DYNLT5: variants seen among roughly 807,000 people sequenced by gnomAD.
DYNLT5 encodes the protein dynein light chain Tctex-type family member 5.
In DYNLT5, 25 loss-of-function variants were observed where a neutral mutation model predicts 19.3. That is an observed-to-expected ratio of 1.30 (90% confidence interval 0.95 to 1.81). The LOEUF is 1.81. Ranked by LOEUF, DYNLT5 falls within the 40% of genes most tolerant of loss-of-function variation. The pLI, the probability that DYNLT5 is intolerant of heterozygous loss-of-function variation, is 0.00. For missense variants in DYNLT5, 232 were observed against 217.9 expected (o/e 1.06, Z -0.41); for synonymous variants, 82 against 68.9 (o/e 1.19, Z -0.94).
At chr1:66,756,413 T>C (rs572700684) in intron 2 of DYNLT5, among the ~76,000 whole-genome samples, 2 of 152,196 alleles carry the variant, frequency 1.3e-5, no homozygotes, top group Non-Finnish European at 2.9e-5. Context: ...TTCTCCTTCA[T>C]GAATGAGGCT....
rs568341003 is a variant in DYNLT5 at position 66,758,677 on chromosome 1, G to A, written c.119+3900G>A. Among the ~76,000 whole-genome samples the A allele has an allele frequency of 1.4e-4, 22 of 152,248 alleles. No homozygotes were observed. In the South Asian group the frequency reaches 4.6e-3, roughly 32 times the overall value. ...GGCATATAAAGGTGAATAACTACAG[G>A]TTTCTAATTTAGATAAGTTCATTTT... On this transcript the variant is annotated intron_variant, in intron 2 of 4. Transcript: ENST00000282670.
rs1157692033 is a variant in DYNLT5, at chr1:66,778,594, G to A, written c.*1140G>A. 6.6e-6 allele frequency: 1 copy of A among 152,558 alleles called. No individual in the cohort carries two copies. The allele number at this position is 152,558 out of a possible 1,614,324, so 9.5% of individuals were successfully genotyped here. ...ACATATGGAGAAAATTAGCAATGCT[G>A]TAGTCTTAAGGAAAAAATGATTTAT... On this transcript the variant is annotated 3_prime_UTR_variant, in exon 5 of 5. Coordinates refer to ENST00000282670, the MANE Select transcript of DYNLT5 (RefSeq NM_152665.3).
At chr1:66,763,465 AG>A (rs1284585552) in intron 2 of DYNLT5, among the ~76,000 whole-genome samples, 2 of 152,214 alleles carry the variant, frequency 1.3e-5, no homozygotes, top group Non-Finnish European at 2.9e-5. Context: ...TAAAAGCCCT[AG>A]GTGGCATCTT....
intron 2 of DYNLT5, among the ~76,000 whole-genome samples, chr1:66,760,744 G>A (rs548177068): frequency 7.9e-5 from 12 of 152,298 alleles, no homozygotes; most frequent in East Asian, 3.9e-4. Flanking sequence ...ATTGCCCAGC[G>A]TGACACAGCT....
intron 2 of DYNLT5, among the ~76,000 whole-genome samples, chr1:66,758,441 G>A (rs1397510281): frequency 1.3e-5 from 2 of 152,164 alleles, no homozygotes; most frequent in East Asian, 3.8e-4. Context: ...TAGTAGATTA[G>A]GGACAAGGTT....
chr1:66,759,300 A>C (rs1312558544), intron 2 of DYNLT5, among the ~76,000 whole-genome samples: 1 of 152,188 alleles, frequency 6.6e-6, no homozygotes, highest in Non-Finnish European at 1.5e-5. Context: ...AAATGTGGGA[A>C]TCTATTAACA....
intron 2 of DYNLT5, among the ~76,000 whole-genome samples, chr1:66,769,349 G>A (rs866324723): frequency 9.9e-5 from 15 of 152,062 alleles, no homozygotes; most frequent in African/African-American, 3.1e-4. Context: ...TAGATTACCC[G>A]TGATTTTCTT....
At chr1:66,771,768 C>T (rs1253431250) in intron 3 of DYNLT5, among the ~76,000 whole-genome samples, 3 of 152,118 alleles carry the variant, frequency 2.0e-5, no homozygotes, top group Non-Finnish European at 4.4e-5. Flanking sequence ...ACTGTGCATG[C>T]TGGAAGGGTT....
chr1:66,764,315 G>T (rs2094650839), intron 2 of DYNLT5, among the ~76,000 whole-genome samples: 2 of 152,214 alleles, frequency 1.3e-5, no homozygotes, highest in African/African-American at 4.8e-5. Context: ...ACCACACTTG[G>T]TTATTTCTAG....
At chr1:66,761,522 G>A (rs143787001) in intron 2 of DYNLT5, among the ~76,000 whole-genome samples, 57 of 152,246 alleles carry the variant, frequency 3.7e-4, no homozygotes, top group African/African-American at 1.3e-3. Flanking sequence ...AGTGACTCAC[G>A]CCTATAATTC....
intron 3 of DYNLT5, among the ~76,000 whole-genome samples, chr1:66,773,575 A>G (rs1645216338): frequency 6.6e-6 from 1 of 152,184 alleles, no homozygotes; most frequent in Admixed American, 6.6e-5. Context: ...ATAAGATCAC[A>G]TATCTAAGGA....
At chr1:66,774,804 G>A (rs1645225307) in intron 3 of DYNLT5, among the ~76,000 whole-genome samples, 2 of 152,286 alleles carry the variant, frequency 1.3e-5, no homozygotes, top group South Asian at 4.1e-4. Context: ...TTCACTGGCT[G>A]AGGGGTGCTG....
intron 3 of DYNLT5, chr1:66,770,775 A>G: frequency 2.3e-6 from 1 of 427,210 alleles, no homozygotes; most frequent in Non-Finnish European, 4.3e-6. Context: ...GGGTACATAG[A>G]TATGACTTAA....
chr1:66,769,712 G>A (rs1429678396), intron 2 of DYNLT5, among the ~76,000 whole-genome samples: 1 of 152,144 alleles, frequency 6.6e-6, no homozygotes, highest in African/African-American at 2.4e-5. Context: ...GAGAGACAGT[G>A]GGGCCTCCTC....
At chr1:66,765,231 G>C (rs2094652682) in intron 2 of DYNLT5, among the ~76,000 whole-genome samples, 1 of 152,132 alleles carries the variant, frequency 6.6e-6, no homozygotes, top group South Asian at 2.1e-4. Flanking sequence ...CTCCGAAGAA[G>C]ACACACTTAA....
chr1:66,776,105 TTCTC>T (rs1557875286), intron 3 of DYNLT5, 170 bp from the exon 4 acceptor site: 1 of 693,270 alleles, frequency 1.4e-6, no homozygotes, highest in Non-Finnish European at 2.2e-6. Context: ...TGTCTTCTTG[TTCTC>T]TCTCAGAGCA....
chr1:66,752,520 C>T lies in DYNLT5; in HGVS notation c.-68C>T. On this transcript the variant is annotated 5_prime_UTR_variant, in exon 1 of 5. Coordinates refer to ENST00000282670, the MANE Select transcript of DYNLT5 (RefSeq NM_152665.3). ...AATGAAGCCTGGGACGCGGGAGCCG[C>T]GCCGCGCGCAGTGTCTGCAGTGCCG... is the stretch of plus-strand genomic sequence containing the variant. 3.0e-6 allele frequency: 3 copies of T among 985,580 alleles called. No homozygotes were observed. The highest frequency in any genetic ancestry group is 3.6e-6 in the Non-Finnish European group (3 of 830,046). 61.1% of individuals were successfully genotyped at this position (985,580 alleles called of 1,614,324 possible).
At position 66,778,114 on chromosome 1, in the gene DYNLT5, G is replaced by A. The variant is rs748530741; in HGVS notation, c.*660G>A. The A allele has an allele frequency of 1.3e-5, 2 of 152,654 alleles. No individual in the cohort carries two copies. The highest frequency in any genetic ancestry group is 6.5e-5 in the Admixed American group (1 of 15,282). 9.5% of individuals were successfully genotyped at this position (152,654 alleles called of 1,614,324 possible). Reference sequence around the variant, plus strand: ...GGGAGAACCGAAAGTTGGCTCTTCAGTAATGGAAACTATAAAGTGAATAAA... The same window carrying A: ...GGGAGAACCGAAAGTTGGCTCTTCAATAATGGAAACTATAAAGTGAATAAA... On this transcript the variant is annotated 3_prime_UTR_variant, in exon 5 of 5. Coordinates refer to ENST00000282670, the MANE Select transcript of DYNLT5 (RefSeq NM_152665.3).
chr1:66,754,510 C>A (rs1572541433), intron 1 of DYNLT5, 146 bp from the exon 2 acceptor site: 1 of 665,574 alleles, frequency 1.5e-6, no homozygotes, highest in East Asian at 3.5e-5. Context: ...ACAACAAATT[C>A]TATATATTGC....
Sources: gnomAD v4.1 joint callset for allele counts (sites outside exome capture counted in the v4.1 genomes callset) on GRCh38, gnomAD v4.1.1 for gene constraint, MANE v1.5 for transcripts, NCBI Gene and HGNC (gene_info 2026-07-23, HGNC 2026-07-21) for gene names.